Variants in TRIM33 observed in about 807,000 individuals in gnomAD.
TRIM33 encodes tripartite motif containing 33.
In TRIM33, 20 loss-of-function variants were observed where a neutral mutation model predicts 125.4. The ratio of observed to expected loss-of-function variants is 0.16; its 90% confidence interval spans 0.11 to 0.23. The LOEUF is 0.23. Among genes scored for constraint, TRIM33 ranks in the 10% least tolerant of loss-of-function variants. The probability of loss-of-function intolerance (pLI) is 1.00; values close to 1 mark genes in which losing one functional copy is unlikely to be tolerated. For missense variants in TRIM33, 920 were observed against 1,411.4 expected (o/e 0.65, Z 5.58); for synonymous variants, 564 against 513.9 (o/e 1.10, Z -1.32).
At chr1:114,429,393 A>C (rs1409960545) in intron 6 of TRIM33, among the ~76,000 whole-genome samples, 1 of 151,222 alleles carries the variant, frequency 6.6e-6, no homozygotes, top group African/African-American at 2.4e-5. Context: ...GGGTTTCACC[A>C]TGTTGGCCAA....
chr1:114,503,777 T>C (rs1652840508), intron 1 of TRIM33, among the ~76,000 whole-genome samples: 2 of 152,244 alleles, frequency 1.3e-5, no homozygotes, highest in African/African-American at 4.8e-5. Flanking sequence ...GTTGTTTTCC[T>C]GGAAATGACA....
chr1:114,408,332 T>C (rs919137203), intron 13 of TRIM33, among the ~76,000 whole-genome samples: 1 of 152,220 alleles, frequency 6.6e-6, no homozygotes, highest in East Asian at 1.9e-4. Context: ...GTTGCAAAAA[T>C]TGGGAACACT....
intron 12 of TRIM33, 118 bp downstream of exon 12, chr1:114,410,066 T>C: frequency 7.9e-7 from 1 of 1,267,222 alleles, no homozygotes; most frequent in Non-Finnish European, 1.1e-6. Flanking sequence ...CAATCTCCCT[T>C]TCTCTCTTCA....
chr1:114,444,254 T>C (rs1648839068), intron 4 of TRIM33, among the ~76,000 whole-genome samples: 1 of 152,124 alleles, frequency 6.6e-6, no homozygotes, highest in South Asian at 2.1e-4. Flanking sequence ...AGAGAAGATA[T>C]TGAATATGTG....
intron 1 of TRIM33, among the ~76,000 whole-genome samples, chr1:114,472,667 T>A (rs373953887): frequency 1.3e-5 from 2 of 152,180 alleles, no homozygotes; most frequent in African/African-American, 4.8e-5. Context: ...GAGGTCAAGC[T>A]GCAGTGAGCA....
rs1437298745 is a variant in TRIM33, at chr1:114,392,952, T to TG, written c.*4695dup. 1 of 199,760 alleles carries TG rather than the reference T, an allele frequency of 5.0e-6. No homozygotes were observed. The highest frequency in any genetic ancestry group is 2.3e-5 in the African/African-American group (1 of 43,522). 12.4% of individuals were successfully genotyped at this position (199,760 alleles called of 1,614,324 possible). ...TAAATAACCATGAAAAGAAAAAACT[T>TG]GCTTTTATTACACACCAGCAAAAAC... is the stretch of plus-strand genomic sequence containing the variant. On this transcript the variant is annotated 3_prime_UTR_variant, in exon 20 of 20. Transcript: ENST00000358465.
At chr1:114,420,334 A>G (rs1653199436) in intron 11 of TRIM33, 1 of 1,164,268 alleles carries the variant, frequency 8.6e-7, no homozygotes, top group Non-Finnish European at 1.2e-6. Context: ...TCTCAGCCCA[A>G]CTGACTACCC....
chr1:114,430,992 A>T (rs1420784853), intron 5 of TRIM33, 80 bp from the exon 6 acceptor site: 7 of 836,986 alleles, frequency 8.4e-6, no homozygotes, highest in Non-Finnish European at 1.4e-5. Context: ...AATTCATCCA[A>T]CTGGGCACTT....
intron 1 of TRIM33, among the ~76,000 whole-genome samples, chr1:114,480,922 T>C (rs1651289261): frequency 6.6e-6 from 1 of 151,366 alleles, no homozygotes; most frequent in Non-Finnish European, 1.5e-5. Context: ...ACAGCTGGAG[T>C]AGTCACACTA....
chr1:114,493,214 C>T (rs1652177221), intron 1 of TRIM33, among the ~76,000 whole-genome samples: 1 of 152,162 alleles, frequency 6.6e-6, no homozygotes, highest in Non-Finnish European at 1.5e-5. Flanking sequence ...GGGGAACTGT[C>T]TATTCAGATC....
At chr1:114,492,113 G>T (rs1652106053) in intron 1 of TRIM33, among the ~76,000 whole-genome samples, 1 of 152,086 alleles carries the variant, frequency 6.6e-6, no homozygotes. Context: ...ATGTGAATTG[G>T]GCGAGTCAAA....
At chr1:114,473,752 C>A (rs1004677628) in intron 1 of TRIM33, among the ~76,000 whole-genome samples, 1 of 151,916 alleles carries the variant, frequency 6.6e-6, no homozygotes, top group Non-Finnish European at 1.5e-5. Flanking sequence ...AACCAATGAA[C>A]AACAATAAAT....
chr1:114,453,706 A>C (rs935638650), intron 4 of TRIM33, among the ~76,000 whole-genome samples: 14 of 152,176 alleles, frequency 9.2e-5, no homozygotes, highest in African/African-American at 3.1e-4. Context: ...ACACAGTCTC[A>C]TATCAACCTC....
chr1:114,481,639 A>G (rs768465576), intron 1 of TRIM33, among the ~76,000 whole-genome samples: 38 of 142,410 alleles, frequency 2.7e-4, no homozygotes, highest in African/African-American at 5.0e-4. Flanking sequence ...CTATATATAT[A>G]TGTGTGTGTG....
Position 114,510,992 on chromosome 1 carries a change from GC to G in TRIM33, c.84del (p.Ala30ProfsTer149). On this transcript the variant is annotated frameshift_variant, in exon 1 of 20. Coordinates refer to ENST00000358465, the MANE Select transcript of TRIM33 (RefSeq NM_015906.4). LOFTEE classifies it high-confidence loss of function. ...GGCGGCTCCGCCTCCTGCGCGGCGG[GC>G]CCGGCGGCCCCGGCAGTTACCGGCG... The part of the protein sequence containing the change: ...GSAPVTAGAA[G>X]PAAQEAEPPL... 1 of 1,333,448 alleles carries G rather than the reference GC, an allele frequency of 7.5e-7. No homozygotes were observed. The highest frequency in any genetic ancestry group is 9.6e-7 in the Non-Finnish European group (1 of 1,044,152). The allele number at this position is 1,333,448 out of a possible 1,614,324, so 82.6% of individuals were successfully genotyped here.
At chr1:114,504,078 T>C (rs949260862) in intron 1 of TRIM33, among the ~76,000 whole-genome samples, 5 of 152,250 alleles carry the variant, frequency 3.3e-5, no homozygotes, top group African/African-American at 9.6e-5. Flanking sequence ...AGGTTTATTT[T>C]TGTTCTTTCT....
chr1:114,436,446 C>T (rs1264048297), intron 4 of TRIM33, among the ~76,000 whole-genome samples: 1 of 147,582 alleles, frequency 6.8e-6, no homozygotes, highest in East Asian at 2.0e-4. Flanking sequence ...CACAAAAAAG[C>T]ACGTGAATAT....
At position 114,397,589 on chromosome 1, in the gene TRIM33, G is replaced by GTTTTTTTTTTTTTTTTTTTTTT. The variant is rs66490349; in HGVS notation, c.*58_*59insAAAAAAAAAAAAAAAAAAAAAA. The GTTTTTTTTTTTTTTTTTTTTTT allele has an allele frequency of 2.2e-5, 14 of 640,654 alleles. No homozygotes were observed. The highest frequency in any genetic ancestry group is 5.5e-5 in the African/African-American group (2 of 36,470). 39.7% of individuals were successfully genotyped at this position (640,654 alleles called of 1,614,324 possible). On this transcript the variant is annotated 3_prime_UTR_variant, in exon 20 of 20. Transcript: ENST00000358465. The stretch of plus-strand genomic sequence containing the variant: ...CTTAAAAGTTTTCTGGGTTTTTTGT[G>GTTTTTTTTTTTTTTTTTTTTTT]TTTTTTTTTTTTTTTTCGTTTTTTT...
rs138523806 is a variant in TRIM33, at chr1:114,507,891, C to T, written c.526+2660G>A. Among the ~76,000 whole-genome samples, 1,349 of 152,192 alleles carry T rather than the reference C, an allele frequency of 8.9e-3. 20 individuals carry two copies. Among genetic ancestry groups the T allele is most frequent in the African/African-American group, 0.031 (1,275 of 41,522 alleles). ...CAGGACTTTGGGAGGCTGAGGCAGG[C>T]AGATCATTTGAAGCCAGGAGTTCAA... On this transcript the variant is annotated intron_variant, in intron 1 of 19. Transcript: ENST00000358465.
Sources: gnomAD v4.1 joint callset for allele counts (sites outside exome capture counted in the v4.1 genomes callset) on GRCh38, gnomAD v4.1.1 for gene constraint, MANE v1.5 for transcripts, NCBI Gene and HGNC (gene_info 2026-07-23, HGNC 2026-07-21) for gene names.